Variants in TMEM178A observed in about 807,000 individuals in gnomAD.
The protein encoded by TMEM178A is transmembrane protein 178.
A neutral mutation model predicts 29.1 loss-of-function variants in TMEM178A; 12 were observed. That is an observed-to-expected ratio of 0.41 (90% CI 0.26 to 0.67). TMEM178A has a LOEUF of 0.67. Ranked by LOEUF, TMEM178A falls within the 30% of genes least tolerant of loss-of-function variation. The pLI is 0.29. For missense variants in TMEM178A, 366 were observed against 419.1 expected (o/e 0.87, Z 1.11); for synonymous variants, 210 against 187.2 (o/e 1.12, Z -0.99).
chr2:39,708,487 C>T (rs963040212), intron 3 of TMEM178A, among the ~76,000 whole-genome samples: 10 of 132,548 alleles, frequency 7.5e-5, no homozygotes, highest in African/African-American at 2.8e-4. Flanking sequence ...GGCGCGATCT[C>T]GACTCACTGC....
intron 1 of TMEM178A, among the ~76,000 whole-genome samples, chr2:39,696,937 C>G (rs191157810): frequency 6.6e-6 from 1 of 152,226 alleles, no homozygotes; most frequent in Admixed American, 6.5e-5. Context: ...CATGTTTCTT[C>G]CCCCCATTGT....
At chr2:39,701,069 T>C (rs1357878947) in intron 1 of TMEM178A, among the ~76,000 whole-genome samples, 2 of 151,756 alleles carry the variant, frequency 1.3e-5, no homozygotes, top group Non-Finnish European at 2.9e-5. Context: ...TTAAATCAGA[T>C]AGGAGAAAAA....
intron 1 of TMEM178A, among the ~76,000 whole-genome samples, chr2:39,685,436 A>G (rs1273574779): frequency 6.6e-6 from 1 of 152,180 alleles, no homozygotes; most frequent in Non-Finnish European, 1.5e-5. Context: ...GTAATTTGAC[A>G]TCTCTTTGTG....
At chr2:39,706,990 A>T in intron 2 of TMEM178A, 59 bp from the exon 3 acceptor site, 1 of 1,550,588 alleles carries the variant, frequency 6.4e-7, no homozygotes, top group South Asian at 1.3e-5. Context: ...CTAATTCTCT[A>T]ATTCTTAATG....
intron 1 of TMEM178A, among the ~76,000 whole-genome samples, chr2:39,676,520 C>G (rs952321792): frequency 6.6e-6 from 1 of 152,192 alleles, no homozygotes; most frequent in Non-Finnish European, 1.5e-5. Context: ...GACTTCCCAC[C>G]GGTCTCATTG....
chr2:39,720,810 C>T (rs536932506), downstream of TMEM178A, among the ~76,000 whole-genome samples: 211 of 152,298 alleles, frequency 1.4e-3, 2 homozygotes, highest in Admixed American at 1.4e-3. Flanking sequence ...AAAAAATGTA[C>T]AGTCGTGTGA....
intron 1 of TMEM178A, among the ~76,000 whole-genome samples, chr2:39,698,808 T>C (rs1235308843): frequency 6.6e-6 from 1 of 152,122 alleles, no homozygotes; most frequent in Non-Finnish European, 1.5e-5. Flanking sequence ...TTGTGGCAAG[T>C]TTTTACTAAG....
downstream of TMEM178A, among the ~76,000 whole-genome samples, chr2:39,721,250 G>A (rs2148124755): frequency 6.6e-6 from 1 of 152,332 alleles, no homozygotes; most frequent in African/African-American, 2.4e-5. Flanking sequence ...CTGGGAACTT[G>A]GCTATGCAAT....
At chr2:39,692,676 G>A (rs76130446) in intron 1 of TMEM178A, among the ~76,000 whole-genome samples, 2,634 of 152,086 alleles carry the variant, frequency 0.017, 83 homozygotes, top group African/African-American at 0.061. Context: ...TTTATTAAGC[G>A]TCAACTATGG....
the TMEM178A span, among the ~76,000 whole-genome samples, chr2:39,728,088 T>C: frequency 6.6e-6 from 1 of 152,324 alleles, no homozygotes; most frequent in South Asian, 2.1e-4. Context: ...AGTAATGGGA[T>C]TGCTGGGTCA....
rs1263925446 is a variant in TMEM178A, at chr2:39,707,068, T to C, written c.534T>C (p.Ala178=). 5 of 1,611,514 alleles carry C rather than the reference T, an allele frequency of 3.1e-6. No individual in the cohort carries two copies. The Middle Eastern group carries it at 8.3e-4, about 267-fold the overall frequency. ...GATTAGATTTAAGAAGAATCACTGCTGGCTTCCTCGGCATGGCCGTAGCCG... is the reference window on the plus strand; with the variant it reads ...GATTAGATTTAAGAAGAATCACTGCCGGCTTCCTCGGCATGGCCGTAGCCG... The part of the protein sequence containing the change: ...WHLLHLRRIT[A]GFLGMAVAVL... The change falls in exon 3 of 4, where the codon GCT becomes GCC. Residue 178 remains alanine, a synonymous_variant. Transcript: ENST00000281961.
chr2:39,695,918 A>G (rs1220663384), intron 1 of TMEM178A, among the ~76,000 whole-genome samples: 4 of 152,230 alleles, frequency 2.6e-5, no homozygotes, highest in Non-Finnish European at 2.9e-5. Context: ...ATTTATTTTT[A>G]AATAAATACA....
intron 1 of TMEM178A, among the ~76,000 whole-genome samples, chr2:39,686,234 C>G (rs1030115760): frequency 3.3e-5 from 5 of 152,182 alleles, no homozygotes; most frequent in Non-Finnish European, 7.3e-5. Flanking sequence ...TAGCCCAAGG[C>G]TCTTTAGTTA....
chr2:39,725,867 A>C, the TMEM178A span, among the ~76,000 whole-genome samples: 1 of 152,202 alleles, frequency 6.6e-6, no homozygotes, highest in African/African-American at 2.4e-5. Flanking sequence ...CGGCAAAAAT[A>C]GGGACATCTC....
chr2:39,716,296 T>C (rs1672532726), intron 3 of TMEM178A, among the ~76,000 whole-genome samples: 4 of 152,212 alleles, frequency 2.6e-5, no homozygotes. Context: ...AAATCAGTCC[T>C]GATTTTAGTG....
At chr2:39,721,395 T>C (rs552865944), downstream of TMEM178A, among the ~76,000 whole-genome samples, 5 of 152,352 alleles carry the variant, frequency 3.3e-5, no homozygotes, top group Admixed American at 2.0e-4. Context: ...TAAAAGAAGA[T>C]AGCATTTTTT....
rs553891711 is a variant in TMEM178A, at chr2:39,684,278, A to T, written c.400+17904A>T. 2.0e-5 allele frequency among the ~76,000 whole-genome samples: 3 copies of T among 150,524 alleles called. No individual in the cohort carries two copies. In the South Asian group the frequency reaches 6.3e-4, roughly 32 times the overall value. ...TTCATGCTGACTTCATGGAGTTTAA[A>T]TTTTTTTTTTCTGATTATGAACTTT... On this transcript the variant is annotated intron_variant, in intron 1 of 3. Transcript: ENST00000281961.
chr2:39,721,030 G>A (rs1256508466), downstream of TMEM178A, among the ~76,000 whole-genome samples: 3 of 152,212 alleles, frequency 2.0e-5, no homozygotes, highest in African/African-American at 4.8e-5. Context: ...ATGTGCATGT[G>A]TGTTTCAAAT....
chr2:39,719,260 C>G (rs916854007), downstream of TMEM178A, among the ~76,000 whole-genome samples: 2 of 152,234 alleles, frequency 1.3e-5, no homozygotes, highest in African/African-American at 2.4e-5. Flanking sequence ...GATGTCAAGA[C>G]TCTTGGACAT....
Sources: gnomAD v4.1 joint callset for allele counts (sites outside exome capture counted in the v4.1 genomes callset) on GRCh38, gnomAD v4.1.1 for gene constraint, MANE v1.5 for transcripts, NCBI Gene and HGNC (gene_info 2026-07-23, HGNC 2026-07-21) for gene names.